The following KAZN variants were observed in gnomAD, a reference collection of about 807,000 sequenced individuals.
KAZN encodes kazrin.
KAZN carries 40 observed loss-of-function variants against 87.4 expected under a neutral mutation model. The observed-to-expected ratio is 0.46, with a 90% CI of 0.36 to 0.60. The LOEUF is 0.60. Among genes scored for constraint, KAZN ranks in the 20% least tolerant of loss-of-function variants. The probability of loss-of-function intolerance (pLI) is 0.00; values close to 1 mark genes in which losing one functional copy is unlikely to be tolerated. For missense variants in KAZN, 898 were observed against 1,073.9 expected, an observed-to-expected ratio of 0.84 and a Z score of 2.29; for synonymous variants, 466 against 458.3, an observed-to-expected ratio of 1.02 and a Z score of -0.22.
At chr1:13,959,510 T>G (rs1159519937) in intron 1 of KAZN, among the ~76,000 whole-genome samples, 1 of 152,204 alleles carries the variant, frequency 6.6e-6, no homozygotes, top group African/African-American at 2.4e-5. Flanking sequence ...TCACATTGAA[T>G]GTGAATGTCA....
intron 1 of KAZN, among the ~76,000 whole-genome samples, chr1:14,662,767 C>T (rs1639265335): frequency 6.6e-6 from 1 of 151,062 alleles, no homozygotes; most frequent in South Asian, 2.1e-4. Flanking sequence ...CAAGAAACAC[C>T]TCTCTCTCCT....
intron 2 of KAZN, among the ~76,000 whole-genome samples, chr1:14,360,982 C>A (rs1160087569): frequency 6.6e-6 from 1 of 152,212 alleles, no homozygotes; most frequent in Non-Finnish European, 1.5e-5. Flanking sequence ...AGGAGATCGG[C>A]TGCTCTCTTC....
chr1:14,119,649 TAG>T (rs747619027), intron 1 of KAZN, among the ~76,000 whole-genome samples: 41 of 152,158 alleles, frequency 2.7e-4, no homozygotes, highest in Non-Finnish European at 5.6e-4. Flanking sequence ...ACTCTTTAGC[TAG>T]AGAGAGTCCA....
At chr1:14,029,025 T>G (rs970834184) in intron 1 of KAZN, among the ~76,000 whole-genome samples, 41 of 151,898 alleles carry the variant, frequency 2.7e-4, no homozygotes, top group African/African-American at 9.7e-4. Flanking sequence ...TATTTCTAAT[T>G]CTAGATCCCT....
intron 2 of KAZN, among the ~76,000 whole-genome samples, chr1:14,229,617 C>A (rs966116454): frequency 6.6e-6 from 1 of 152,186 alleles, no homozygotes; most frequent in East Asian, 1.9e-4. Context: ...ACAGCAAATA[C>A]GAAAATCTTA....
At chr1:14,835,976 A>C (rs1647232268) in intron 1 of KAZN, among the ~76,000 whole-genome samples, 1 of 152,254 alleles carries the variant, frequency 6.6e-6, no homozygotes, top group African/African-American at 2.4e-5. Context: ...TGCTGGTAAC[A>C]GCTGGGTTGG....
At chr1:14,761,969 A>T (rs1440104957) in intron 1 of KAZN, among the ~76,000 whole-genome samples, 1 of 150,450 alleles carries the variant, frequency 6.6e-6, no homozygotes, top group Admixed American at 6.6e-5. Flanking sequence ...TAACAGATGC[A>T]TCCTGTGTGT....
chr1:14,175,744 G>C (rs1283550173), intron 1 of KAZN, among the ~76,000 whole-genome samples: 1 of 152,198 alleles, frequency 6.6e-6, no homozygotes, highest in Non-Finnish European at 1.5e-5. Flanking sequence ...AGTAATGTCT[G>C]TGCATGTGTA....
intron 2 of KAZN, among the ~76,000 whole-genome samples, chr1:14,555,712 C>A (rs1484289095): frequency 6.6e-6 from 1 of 152,162 alleles, no homozygotes; most frequent in African/African-American, 2.4e-5. Flanking sequence ...CTGTAAGATA[C>A]AGGATTCTGT....
At chr1:14,144,859 A>G (rs1263332590) in intron 1 of KAZN, among the ~76,000 whole-genome samples, 1 of 152,138 alleles carries the variant, frequency 6.6e-6, no homozygotes, top group Non-Finnish European at 1.5e-5. Context: ...ACACAGTGAG[A>G]ACACACTCAC....
At chr1:14,487,232 AG>A (rs1490044471) in intron 2 of KAZN, among the ~76,000 whole-genome samples, 13 of 152,202 alleles carry the variant, frequency 8.5e-5, no homozygotes, top group Admixed American at 7.9e-4. Flanking sequence ...GGGACACCAT[AG>A]GGAAGGAAAA....
At chr1:14,679,725 A>G (rs1196077500) in intron 1 of KAZN, among the ~76,000 whole-genome samples, 1 of 152,152 alleles carries the variant, frequency 6.6e-6, no homozygotes, top group Non-Finnish European at 1.5e-5. Flanking sequence ...CATTGTTCAG[A>G]TAGGGAAACT....
At chr1:14,789,208 C>T (rs3765391) in intron 1 of KAZN, among the ~76,000 whole-genome samples, 10,731 of 152,208 alleles carry the variant, frequency 0.071, 516 homozygotes, top group African/African-American at 0.13. Flanking sequence ...ATCTGGTAGA[C>T]GGGATTGTAG....
At chr1:14,897,671 A>C (rs991425326) in intron 1 of KAZN, among the ~76,000 whole-genome samples, 9 of 152,150 alleles carry the variant, frequency 5.9e-5, no homozygotes. Context: ...ACTTTTGCAA[A>C]TCCCTTGAAA....
rs999055013 is a variant in KAZN at position 15,021,523 on chromosome 1, T to C, written c.419-13226T>C. On this transcript the variant is annotated intron_variant, in intron 2 of 14. Transcript: ENST00000376030. This position sits in a 1 kb window ranked among gnomAD's most constrained non-coding sequence, Gnocchi z 4.2. Reference sequence around the variant, plus strand: ...CCCATTTCCCTCCTGCTGGTATACCTTGGCCTCCTGTCTCCCTCGGGGAGG... The same window carrying C: ...CCCATTTCCCTCCTGCTGGTATACCCTGGCCTCCTGTCTCCCTCGGGGAGG... 2.0e-5 allele frequency among the ~76,000 whole-genome samples: 3 copies of C among 152,202 alleles called. No homozygotes were observed. Among genetic ancestry groups the C allele is most frequent in the Non-Finnish European group, 2.9e-5 (2 of 68,024 alleles).
chr1:14,266,242 G>C (rs969539282), intron 2 of KAZN, among the ~76,000 whole-genome samples: 2 of 152,210 alleles, frequency 1.3e-5, no homozygotes, highest in African/African-American at 4.8e-5. Context: ...CAGCATTGCT[G>C]TCATTGCTAC....
At chr1:14,888,991 C>A (rs1654418209) in intron 1 of KAZN, among the ~76,000 whole-genome samples, 1 of 152,188 alleles carries the variant, frequency 6.6e-6, no homozygotes, top group Non-Finnish European at 1.5e-5. Context: ...AATATACTAA[C>A]AATAATGATA....
intron 2 of KAZN, among the ~76,000 whole-genome samples, chr1:14,570,069 C>T (rs1674770891): frequency 6.6e-6 from 1 of 152,150 alleles, no homozygotes; most frequent in Non-Finnish European, 1.5e-5. Context: ...GCCAAGACTG[C>T]ACCACGGCAC....
intron 1 of KAZN, among the ~76,000 whole-genome samples, chr1:14,907,813 G>T (rs1393365762): frequency 6.6e-6 from 1 of 152,156 alleles, no homozygotes; most frequent in South Asian, 2.1e-4. Flanking sequence ...GCAAGTGGGA[G>T]GTGGATCCCC....
Sources: gnomAD v4.1 joint callset for allele counts (sites outside exome capture counted in the v4.1 genomes callset) on GRCh38, gnomAD v4.1.1 for gene constraint, Gnocchi (gnomAD v3.1) non-coding constraint, MANE v1.5 for transcripts, NCBI Gene and HGNC (gene_info 2026-07-23, HGNC 2026-07-21) for gene names.